The following GKAP1 variants were observed in gnomAD, a reference collection of about 807,000 sequenced individuals.
GKAP1 encodes G kinase-anchoring protein 1.
In GKAP1, 31 loss-of-function variants were observed where a neutral mutation model predicts 56.7. That is an observed-to-expected ratio of 0.55 (90% CI 0.41 to 0.74). The LOEUF (loss-of-function observed/expected upper bound fraction) is 0.74, where lower values mean the gene tolerates loss of function less well. GKAP1 is among the 30% of genes least tolerant of loss of function. GKAP1 has a pLI of 0.00. For synonymous variants in GKAP1, 151 were observed against 138.6 expected, an observed-to-expected ratio of 1.09 and a Z score of -0.63; for missense variants, 364 against 402.3, an observed-to-expected ratio of 0.90 and a Z score of 0.82.
intron 8 of GKAP1, among the ~76,000 whole-genome samples, chr9:83,753,607 T>C (rs1009181967): frequency 1.1e-4 from 16 of 152,194 alleles, no homozygotes; most frequent in Admixed American, 9.8e-4. Context: ...GATATTTCTA[T>C]CCTGGAACAA....
At chr9:83,746,696 A>T (rs1045972183) in intron 10 of GKAP1, among the ~76,000 whole-genome samples, 8 of 143,308 alleles carry the variant, frequency 5.6e-5, no homozygotes, top group African/African-American at 1.3e-4. Flanking sequence ...TCCTTCTCAA[A>T]AAATAAATAA....
intron 8 of GKAP1, among the ~76,000 whole-genome samples, chr9:83,756,897 T>C (rs1232500404): frequency 6.6e-6 from 1 of 152,230 alleles, no homozygotes; most frequent in African/African-American, 2.4e-5. Flanking sequence ...CAAAGTCATA[T>C]TGTTTTAATG....
chr9:83,807,896 C>G (rs1944460511), intron 2 of GKAP1, among the ~76,000 whole-genome samples: 1 of 152,194 alleles, frequency 6.6e-6, no homozygotes, highest in African/African-American at 2.4e-5. Context: ...TGTATGTTTT[C>G]AGGAGGGAAG....
chr9:83,758,294 C>A (rs571151965), intron 8 of GKAP1, among the ~76,000 whole-genome samples: 2 of 152,208 alleles, frequency 1.3e-5, no homozygotes, highest in African/African-American at 2.4e-5. Context: ...AATAATAGGG[C>A]AAATACCAAG....
At chr9:83,748,224 A>C in intron 10 of GKAP1, 85 bp downstream of exon 10, 1 of 844,790 alleles carries the variant, frequency 1.2e-6, no homozygotes, top group South Asian at 1.6e-5. Flanking sequence ...ACTTTTGTTG[A>C]GTTGGTAAAT....
chr9:83,807,166 T>C (rs1029444310), intron 2 of GKAP1, among the ~76,000 whole-genome samples: 4 of 152,248 alleles, frequency 2.6e-5, no homozygotes, highest in Non-Finnish European at 4.4e-5. Flanking sequence ...TAGGTCAGTG[T>C]AGCTTCATTC....
chr9:83,796,424 A>C (rs1049297651), intron 4 of GKAP1, among the ~76,000 whole-genome samples: 11 of 152,300 alleles, frequency 7.2e-5, no homozygotes, highest in African/African-American at 2.4e-4. Context: ...TTAAGTTTTT[A>C]ATCTGCTATG....
At position 83,784,702 on chromosome 9, in the gene GKAP1, G is replaced by T; in HGVS notation, c.562+13C>A. The T allele has an allele frequency of 6.4e-7, 1 of 1,557,330 alleles. No homozygotes were observed. The highest frequency in any genetic ancestry group is 1.2e-5 in the South Asian group (1 of 84,118). On this transcript the variant is annotated intron_variant, in intron 6 of 12. Transcript: ENST00000376371. ...ATAGTTCTTTTAGCATAATAGCATT[G>T]TATATACATTACCTTCCGAATGAAA...
In GKAP1 at chr9:83,739,675, T is replaced by A; in HGVS notation, c.*22A>T. ...AATCCTGGAAGTTTTAAACTTTGTG[T>A]TGACTTCAAAGGCTAATGTAATCAC... On this transcript the variant is annotated 3_prime_UTR_variant, in exon 13 of 13. Transcript: ENST00000376371. 1 of 1,587,398 alleles carries A rather than the reference T, an allele frequency of 6.3e-7. No homozygotes were observed. The highest frequency in any genetic ancestry group is 1.2e-5 in the South Asian group (1 of 86,046).
chr9:83,809,085 C>T (rs913405077), intron 2 of GKAP1, among the ~76,000 whole-genome samples: 4 of 152,336 alleles, frequency 2.6e-5, no homozygotes, highest in East Asian at 1.9e-4. Context: ...TCAAGACTTA[C>T]ACCTTACACA....
chr9:83,743,216 T>C (rs1000181281), intron 10 of GKAP1, among the ~76,000 whole-genome samples: 4 of 152,176 alleles, frequency 2.6e-5, no homozygotes, highest in African/African-American at 9.7e-5. Flanking sequence ...TTAATTTTTA[T>C]ATCTACTCTA....
In GKAP1 at chr9:83,768,913, C is replaced by T. The variant is rs779065718; in HGVS notation, c.643G>A (p.Asp215Asn). 5.0e-6 allele frequency: 8 copies of T among 1,611,082 alleles called. No homozygotes were observed. The South Asian group carries it at 8.8e-5, about 18-fold the overall frequency. Residue 215 changes from aspartate to asparagine, a missense_variant, in exon 8 of 13, where the codon GAT (aspartate) becomes AAT (asparagine). Coordinates refer to ENST00000376371, the MANE Select transcript of GKAP1 (RefSeq NM_025211.4). Reference protein sequence around the residue: ...HDGGFFNRLEDDVHKILIREK... With the variant: ...HDGGFFNRLENDVHKILIREK... ...CTAATAAGAATTTTATGAACATCAT[C>T]TTCCAGTCTATTGAAGAATCCTCCA...
rs771382130 is a variant in GKAP1, at chr9:83,742,511, A to G, written c.975+19T>C. ...GACAGCTTAAGAAAACCAGTCATGT[A>G]TGCTCCACAGTTCCTTACCTGAATA... On this transcript the variant is annotated intron_variant, in intron 11 of 12. Transcript: ENST00000376371. The G allele has an allele frequency of 2.6e-6, 4 of 1,565,360 alleles. No homozygotes were observed. Among genetic ancestry groups the G allele is most frequent in the Non-Finnish European group, 3.5e-6 (4 of 1,140,894 alleles).
At chr9:83,762,168 C>T (rs1943583772) in intron 8 of GKAP1, among the ~76,000 whole-genome samples, 1 of 151,764 alleles carries the variant, frequency 6.6e-6, no homozygotes, top group African/African-American at 2.4e-5. Context: ...AAAGGCTCCA[C>T]AAAAAAACTA....
Position 83,806,505 on chromosome 9 carries a change from C to T in GKAP1, c.13G>A (p.Val5Ile). The change falls in exon 3 of 13, where the codon GTA becomes ATA. Residue 5 changes from valine to isoleucine, a missense_variant. Coordinates refer to ENST00000376371, the MANE Select transcript of GKAP1 (RefSeq NM_025211.4). ...GCGGTGGTGGGAACAGAACTAAGTACTGCTGAGGCCATCGTAAAGATTTTT... is the reference window on the plus strand; with the variant it reads ...GCGGTGGTGGGAACAGAACTAAGTATTGCTGAGGCCATCGTAAAGATTTTT... MASA[V>I]LSSVPTTASR... 2 of 1,610,862 alleles carry T rather than the reference C, an allele frequency of 1.2e-6. No individual in the cohort carries two copies. Among genetic ancestry groups the T allele is most frequent in the Middle Eastern group, 1.7e-4 (1 of 6,054 alleles).
intron 8 of GKAP1, among the ~76,000 whole-genome samples, chr9:83,767,516 G>A (rs947432113): frequency 2.6e-5 from 4 of 151,632 alleles, no homozygotes; most frequent in Non-Finnish European, 4.4e-5. Flanking sequence ...CCTCCACAAC[G>A]CTCAGTTATT....
intron 8 of GKAP1, among the ~76,000 whole-genome samples, chr9:83,755,667 C>A (rs1022677094): frequency 6.6e-6 from 1 of 151,152 alleles, no homozygotes; most frequent in Admixed American, 6.6e-5. Flanking sequence ...CAAAAAAAAA[C>A]CACTGTAACA....
At position 83,784,729 on chromosome 9, in the gene GKAP1, T is replaced by C; in HGVS notation, c.548A>G (p.Asp183Gly). 1.3e-6 allele frequency: 2 copies of C among 1,590,992 alleles called. No individual in the cohort carries two copies. The highest frequency in any genetic ancestry group is 1.7e-6 in the Non-Finnish European group (2 of 1,169,208). The change falls in exon 6 of 13, where the codon GAT becomes GGT. Residue 183 changes from aspartate (D) to glycine (G), a missense_variant. Coordinates refer to ENST00000376371, the MANE Select transcript of GKAP1 (RefSeq NM_025211.4). ...KDRPLTVSLK[D>G]FHSEDHISKK... ...ATATACATTACCTTCCGAATGAAAA[T>C]CTTTTAGTGATACTGTGAGAGGTCT...
At chr9:83,758,922 A>G (rs1943522587) in intron 8 of GKAP1, among the ~76,000 whole-genome samples, 1 of 152,116 alleles carries the variant, frequency 6.6e-6, no homozygotes, top group Non-Finnish European at 1.5e-5. Context: ...ATATACAGAA[A>G]GAGAAGTGGA....
Sources: allele counts gnomAD v4.1 joint callset (sites outside exome capture counted in the v4.1 genomes callset), GRCh38; gene constraint gnomAD v4.1.1; transcripts MANE v1.5; gene names NCBI Gene and HGNC (gene_info 2026-07-23, HGNC 2026-07-21).